Variants in ZNF138 observed in about 807,000 individuals in gnomAD.
ZNF138 encodes zinc finger protein 138 (clone pHZ-32).
ZNF138 carries 33 observed loss-of-function variants against 33.0 expected under a neutral mutation model. The observed-to-expected ratio is 1.00, with a 90% CI of 0.76 to 1.34. ZNF138 has a LOEUF of 1.34. ZNF138 is among the 40% of genes most tolerant of loss of function. The probability of loss-of-function intolerance (pLI) is 0.00; values close to 1 mark genes in which losing one functional copy is unlikely to be tolerated. For missense variants in ZNF138, 360 were observed against 370.8 expected, an observed-to-expected ratio of 0.97 and a Z score of 0.24; for synonymous variants, 139 against 120.4, an observed-to-expected ratio of 1.15 and a Z score of -1.01.
intron 3 of ZNF138, among the ~76,000 whole-genome samples, chr7:64,830,019 A>C (rs889434878): frequency 1.3e-5 from 2 of 152,166 alleles, no homozygotes; most frequent in Non-Finnish European, 2.9e-5. Flanking sequence ...TTTATTTGGC[A>C]GGACAGTTTT....
At chr7:64,803,124 T>C (rs1262092959) in intron 1 of ZNF138, among the ~76,000 whole-genome samples, 1 of 152,204 alleles carries the variant, frequency 6.6e-6, no homozygotes, top group East Asian at 1.9e-4. Context: ...TTAAATTATA[T>C]GTAGATTTTT....
At chr7:64,815,552 C>T (rs2129002018) in intron 2 of ZNF138, 24 bp from the exon 3 acceptor site, 1 of 1,595,614 alleles carries the variant, frequency 6.3e-7, no homozygotes, top group African/African-American at 1.3e-5. Context: ...TTTAATAAAA[C>T]AAGTATTGCT....
At chr7:64,834,013 A>G (rs1223264517), downstream of ZNF138, among the ~76,000 whole-genome samples, 1 of 152,224 alleles carries the variant, frequency 6.6e-6, no homozygotes, top group Non-Finnish European at 1.5e-5. Context: ...GGTGTGAGCC[A>G]CTGTTCCCAG....
At chr7:64,820,084 T>TTTTCATTTCA in intron 3 of ZNF138, among the ~76,000 whole-genome samples, 1 of 16,826 alleles carries the variant, frequency 5.9e-5, no homozygotes, top group Admixed American at 5.1e-4. Context: ...GCAAAAAAGC[T>TTTTCATTTCA]GTTCATTTCA....
intron 1 of ZNF138, among the ~76,000 whole-genome samples, chr7:64,812,838 GA>G (rs1788285344): frequency 9.4e-6 from 1 of 106,116 alleles, no homozygotes. Flanking sequence ...GGAGAAAGGG[GA>G]AAAAAATTGC....
chr7:64,802,629 T>C (rs576694452), intron 1 of ZNF138, among the ~76,000 whole-genome samples: 1 of 133,342 alleles, frequency 7.5e-6, no homozygotes, highest in South Asian at 2.6e-4. Flanking sequence ...TTATGGTTTG[T>C]AGGGCATGAC....
intron 1 of ZNF138, among the ~76,000 whole-genome samples, chr7:64,808,626 G>T: frequency 1.3e-5 from 2 of 149,574 alleles, no homozygotes; most frequent in Non-Finnish European, 3.0e-5. Flanking sequence ...ATAATTCTTG[G>T]GTGTTTCTCA....
chr7:64,826,644 T>A (rs1203895625), intron 3 of ZNF138, among the ~76,000 whole-genome samples: 2 of 151,272 alleles, frequency 1.3e-5, no homozygotes, highest in Admixed American at 1.3e-4. Context: ...TTTTTAAAAT[T>A]TTTTTTTAGA....
chr7:64,820,335 T>C (rs1397428915), intron 3 of ZNF138, among the ~76,000 whole-genome samples: 1 of 151,634 alleles, frequency 6.6e-6, no homozygotes, highest in African/African-American at 2.4e-5. Context: ...TGATATAATA[T>C]TCTCAAAGTT....
intron 2 of ZNF138, 29 bp from the exon 3 acceptor site, chr7:64,815,547 T>C: frequency 6.3e-7 from 1 of 1,592,370 alleles, no homozygotes; most frequent in East Asian, 2.3e-5. Context: ...TTATTTTTAA[T>C]AAAACAAGTA....
At chr7:64,799,173 C>CT (rs199688669) in intron 1 of ZNF138, among the ~76,000 whole-genome samples, 43 of 147,782 alleles carry the variant, frequency 2.9e-4, no homozygotes, top group East Asian at 9.9e-4. Context: ...CTTTTCTTTT[C>CT]TTTTTTTTTT....
intron 1 of ZNF138, among the ~76,000 whole-genome samples, chr7:64,795,071 T>TA (rs1188301592): frequency 5.3e-5 from 8 of 152,180 alleles, no homozygotes; most frequent in African/African-American, 1.9e-4. Flanking sequence ...GAAACACTTG[T>TA]ATAAGGTGTA....
chr7:64,806,883 GCCATAAACTGGCC>G (rs886830183), intron 1 of ZNF138, among the ~76,000 whole-genome samples: 3 of 152,122 alleles, frequency 2.0e-5, no homozygotes, highest in Non-Finnish European at 2.9e-5. Flanking sequence ...CCAAAATCTG[GCCATAAACTGGCC>G]CCAAAAACTG....
the ZNF138 span, among the ~76,000 whole-genome samples, chr7:64,842,622 C>G: frequency 3.9e-5 from 6 of 152,246 alleles, no homozygotes; most frequent in African/African-American, 1.2e-4. Context: ...TTTTGTGTTA[C>G]TTTTTATGCA....
In ZNF138 at chr7:64,831,829, A is replaced by G; in HGVS notation, c.587A>G (p.Lys196Arg). The G allele has an allele frequency of 6.2e-7, 1 of 1,613,734 alleles. No individual in the cohort carries two copies. Among genetic ancestry groups the G allele is most frequent in the South Asian group, 1.1e-5 (1 of 90,962 alleles). ...KKIHTRENFY[K>R]CEECGKTFNW... ...ATTCATACTAGAGAGAATTTCTACA[A>G]ATGTGAAGAGTGTGGAAAAACCTTT... Residue 196 changes from lysine (K) to arginine (R), a missense_variant, in exon 4 of 4, where the codon AAA (lysine) becomes AGA (arginine). Transcript: ENST00000307355.
At chr7:64,815,215 T>C (rs1282343099) in intron 2 of ZNF138, among the ~76,000 whole-genome samples, 171 bp downstream of exon 2, 1 of 152,022 alleles carries the variant, frequency 6.6e-6, no homozygotes, top group African/African-American at 2.4e-5. Flanking sequence ...TTCTTTAAGA[T>C]GTTTCATCTT....
chr7:64,832,089 C>A lies in ZNF138; in HGVS notation c.847C>A (p.Gln283Lys), dbSNP rs764238219. ...TGAAGAGAAACCCTACAAATGTGAACAATGTGGCAAGGTCTTTAAGCAGTC... is the reference window on the plus strand; with the variant it reads ...TGAAGAGAAACCCTACAAATGTGAAAAATGTGGCAAGGTCTTTAAGCAGTC... ...HTEEKPYKCE[Q>K]CGKVFKQSPT... is the part of the protein sequence containing the mutation. Residue 283 changes from glutamine to lysine, a missense_variant, in exon 4 of 4, where the codon CAA (glutamine) becomes AAA (lysine). Coordinates refer to ENST00000307355, the MANE Select transcript of ZNF138 (RefSeq NM_001271639.2). The A allele has an allele frequency of 6.2e-7, 1 of 1,613,484 alleles. No individual in the cohort carries two copies. The highest frequency in any genetic ancestry group is 1.1e-5 in the South Asian group (1 of 91,044).
chr7:64,799,236 G>C (rs940939911), intron 1 of ZNF138, among the ~76,000 whole-genome samples: 1 of 151,556 alleles, frequency 6.6e-6, no homozygotes, highest in South Asian at 2.1e-4. Context: ...GCACGATCTC[G>C]GCTCACCGCA....
chr7:64,802,864 G>C (rs1038216001), intron 1 of ZNF138, among the ~76,000 whole-genome samples: 2 of 151,572 alleles, frequency 1.3e-5, no homozygotes, highest in African/African-American at 4.9e-5. Flanking sequence ...CTGCCCAACA[G>C]ACACAAATGC....
Sources: gnomAD v4.1 joint callset for allele counts (sites outside exome capture counted in the v4.1 genomes callset) on GRCh38, gnomAD v4.1.1 for gene constraint, MANE v1.5 for transcripts, NCBI Gene and HGNC (gene_info 2026-07-23, HGNC 2026-07-21) for gene names.